Variants in DLC1 observed in about 807,000 individuals in gnomAD.
DLC1 encodes the protein rho GTPase-activating protein 7.
In DLC1, 54 loss-of-function variants were observed where a neutral mutation model predicts 140.3. That is an observed-to-expected ratio of 0.38 (90% CI 0.31 to 0.48). The LOEUF (loss-of-function observed/expected upper bound fraction) is 0.48. Ranked by LOEUF, DLC1 falls within the 20% of genes least tolerant of loss-of-function variation. DLC1 has a pLI of 0.96. For synonymous variants in DLC1, 986 were observed against 728.1 expected (o/e 1.35, Z -5.70); for missense variants, 2,536 against 1,907.0 (o/e 1.33, Z -6.14).
rs558770813 is a variant in DLC1 at position 13,206,953 on chromosome 8, T to A, written c.1349-91296A>T. Reference sequence around the variant, plus strand: ...TTATGCTACTGAGAATACATTTTTTTAAACATTACATAATTTGTTTCTCCA... The same window carrying A: ...TTATGCTACTGAGAATACATTTTTTAAAACATTACATAATTTGTTTCTCCA... On this transcript the variant is annotated intron_variant, in intron 5 of 17. Transcript: ENST00000276297. 7.9e-5 allele frequency among the ~76,000 whole-genome samples: 12 copies of A among 152,294 alleles called. No individual in the cohort carries two copies. In the East Asian group the frequency reaches 9.6e-4, roughly 12 times the overall value.
chr8:13,600,111 T>G (rs1445417711), intron 1 of DLC1, among the ~76,000 whole-genome samples: 1 of 151,914 alleles, frequency 6.6e-6, no homozygotes, highest in East Asian at 1.9e-4. Flanking sequence ...ATGGTCCCCT[T>G]CTTTTAGGAG....
intron 2 of DLC1, among the ~76,000 whole-genome samples, chr8:13,491,431 A>G (rs1165161407): frequency 6.6e-6 from 1 of 152,128 alleles, no homozygotes; most frequent in Non-Finnish European, 1.5e-5. Context: ...TTACTTACTT[A>G]TAAACAATAA....
intron 1 of DLC1, among the ~76,000 whole-genome samples, chr8:13,545,467 G>C (rs17094582): frequency 0.024 from 3,601 of 152,036 alleles, 128 homozygotes; most frequent in East Asian, 0.14. Context: ...TGGCCAAACT[G>C]GGCCCCAGAG....
Position 13,099,607 on chromosome 8 carries a change from G to A in DLC1, c.2730C>T (p.Leu910=). The A allele has an allele frequency of 6.2e-7, 1 of 1,614,214 alleles. No homozygotes were observed. Among genetic ancestry groups the A allele is most frequent in the Non-Finnish European group, 8.5e-7 (1 of 1,180,042 alleles). The change falls in exon 9 of 18, where the codon CTC becomes CTT. Residue 910 remains leucine, a synonymous_variant. Coordinates refer to ENST00000276297, the MANE Select transcript of DLC1 (RefSeq NM_182643.3). The part of the protein sequence containing the change: ...EDIFPELDDI[L]YHVKGMQRIV... Reference sequence around the variant, plus strand: ...TCCGCTGCATCCCCTTCACGTGGTAGAGGATGTCGTCCAGCTCGGGGAAGA... The same window carrying A: ...TCCGCTGCATCCCCTTCACGTGGTAAAGGATGTCGTCCAGCTCGGGGAAGA...
chr8:13,250,112 C>T (rs1419433411), intron 5 of DLC1, among the ~76,000 whole-genome samples: 5 of 152,180 alleles, frequency 3.3e-5, no homozygotes, highest in African/African-American at 4.8e-5. Context: ...CATTGCCTGG[C>T]ACAATCCCTG....
intron 2 of DLC1, among the ~76,000 whole-genome samples, chr8:13,433,564 C>G (rs1034088322): frequency 2.6e-5 from 4 of 152,186 alleles, no homozygotes; most frequent in Non-Finnish European, 5.9e-5. Context: ...AAGTCTCTAA[C>G]TTTCTTCCTC....
chr8:13,139,223 AGGCT>A (rs1451155312), intron 5 of DLC1, among the ~76,000 whole-genome samples: 1 of 134,628 alleles, frequency 7.4e-6, no homozygotes, highest in African/African-American at 2.8e-5. Context: ...CGGGTAGTCG[AGGCT>A]GGATTAAGCT....
chr8:13,130,926 G>C (rs1016525181), intron 5 of DLC1, among the ~76,000 whole-genome samples: 1 of 152,216 alleles, frequency 6.6e-6, no homozygotes, highest in Non-Finnish European at 1.5e-5. Context: ...CTGAACAGTA[G>C]TACTAATGCA....
rs1212962502 is a variant in DLC1, at chr8:13,508,440, C to T, written c.-126+6162G>A. Among the ~76,000 whole-genome samples the T allele has an allele frequency of 1.1e-4, 13 of 113,070 alleles. 1 individual carries two copies. The highest frequency in any genetic ancestry group is 6.2e-4 in the Admixed American group (7 of 11,316). The allele number at this position is 113,070 out of a possible 152,430, so 74.2% of individuals were successfully genotyped here. A position where few individuals can be genotyped will look rare whatever the true frequency, so the allele number is the denominator to read the frequency against. ...TTCTTTTTCTTTTTTTTTTTTGAGA[C>T]GGAGTCTCGCTCTGTCGCCCAGGCT... On this transcript the variant is annotated intron_variant, in intron 1 of 17. Coordinates refer to ENST00000276297, the MANE Select transcript of DLC1 (RefSeq NM_182643.3).
intron 1 of DLC1, among the ~76,000 whole-genome samples, chr8:13,520,300 A>C (rs962612379): frequency 6.6e-6 from 1 of 152,350 alleles, no homozygotes; most frequent in Admixed American, 6.5e-5. Flanking sequence ...GCCATAAAAG[A>C]GGAAGAGTTC....
intron 5 of DLC1, among the ~76,000 whole-genome samples, chr8:13,123,511 T>A (rs1444387572): frequency 6.7e-6 from 1 of 149,836 alleles, no homozygotes; most frequent in East Asian, 1.9e-4. Flanking sequence ...GAGCTAATTT[T>A]TTTTTTTTTT....
intron 5 of DLC1, among the ~76,000 whole-genome samples, chr8:13,132,272 CG>C (rs34565979): frequency 6.6e-6 from 1 of 150,594 alleles, no homozygotes; most frequent in African/African-American, 2.5e-5. Context: ...TTGCAAGCCA[CG>C]GGGCTTGCTA....
At chr8:13,370,074 A>G (rs1180414115) in intron 4 of DLC1, among the ~76,000 whole-genome samples, 2 of 150,826 alleles carry the variant, frequency 1.3e-5, no homozygotes, top group South Asian at 2.1e-4. Flanking sequence ...AGGTATGTAC[A>G]TTGTTTGTTT....
chr8:13,575,779 A>T (rs1339445685), intron 1 of DLC1, among the ~76,000 whole-genome samples: 1 of 152,188 alleles, frequency 6.6e-6, no homozygotes, highest in African/African-American at 2.4e-5. Context: ...AGAGCCCAGC[A>T]TTGTGTATTT....
rs112820971 is a variant in DLC1, at chr8:13,135,051, G to T, written c.1349-19394C>A. On this transcript the variant is annotated intron_variant, in intron 5 of 17. Coordinates refer to ENST00000276297, the MANE Select transcript of DLC1 (RefSeq NM_182643.3). ...CAAGATGATGCAGTTGCCCTCATGA[G>T]TGTGGGAGCCGGAGGAGCTGCCCAA... 2.0e-5 allele frequency among the ~76,000 whole-genome samples: 3 copies of T among 152,136 alleles called. 1 individual carries two copies.
chr8:13,184,148 G>C (rs1826207990), intron 5 of DLC1, among the ~76,000 whole-genome samples: 1 of 152,100 alleles, frequency 6.6e-6, no homozygotes, highest in African/African-American at 2.4e-5. Context: ...ATTTCTATGG[G>C]ATTGGTGGTG....
In DLC1 at chr8:13,499,157, T is replaced by C; in HGVS notation, c.915A>G (p.Lys305=). The change falls in exon 2 of 18, where the codon AAA becomes AAG. Residue 305 remains lysine (K), a synonymous_variant. Coordinates refer to ENST00000276297, the MANE Select transcript of DLC1 (RefSeq NM_182643.3). The part of the protein sequence containing the change: ...EKSGFSQHQN[K]SPPKVKAEDG... ...CTTCTGCCTTGACCTTTGGTGGACT[T>C]TTGTTTTGATGTTGTGAAAAACCAC... The C allele has an allele frequency of 6.2e-7, 1 of 1,614,182 alleles. No homozygotes were observed. The highest frequency in any genetic ancestry group is 8.5e-7 in the Non-Finnish European group (1 of 1,180,014).
intron 1 of DLC1, among the ~76,000 whole-genome samples, chr8:13,512,666 G>T (rs376998215): frequency 1.3e-5 from 2 of 152,196 alleles, no homozygotes; most frequent in South Asian, 2.1e-4. Context: ...ATGCCTGGGG[G>T]TGGTGCTGTA....
intron 2 of DLC1, among the ~76,000 whole-genome samples, chr8:13,442,061 CTA>C (rs1798537796): frequency 6.6e-6 from 1 of 152,196 alleles, no homozygotes; most frequent in African/African-American, 2.4e-5. Flanking sequence ...ATATCTACAA[CTA>C]TCTGATCTTT....
Sources: allele counts gnomAD v4.1 joint callset (sites outside exome capture counted in the v4.1 genomes callset), GRCh38; gene constraint gnomAD v4.1.1; transcripts MANE v1.5; gene names NCBI Gene and HGNC (gene_info 2026-07-23, HGNC 2026-07-21).